The following SLC25A28 variants were observed in gnomAD, a reference collection of about 807,000 sequenced individuals.
SLC25A28 encodes the protein solute carrier family 25 member 28, also known as mitoferrin-2.
Under a neutral mutation model 31.9 loss-of-function variants are expected in SLC25A28, and 10 were observed. That is an observed-to-expected ratio of 0.31 (90% confidence interval 0.19 to 0.53). The LOEUF is 0.53. Ranked by LOEUF, SLC25A28 falls within the 20% of genes least tolerant of loss-of-function variation. SLC25A28 has a pLI of 0.95. For synonymous variants in SLC25A28, 208 were observed against 203.6 expected (o/e 1.02, Z -0.19); for missense variants, 256 against 490.3 (o/e 0.52, Z 4.51).
At chr10:99,612,240 T>C (rs959642264) in intron 3 of SLC25A28, among the ~76,000 whole-genome samples, 4 of 151,946 alleles carry the variant, frequency 2.6e-5, no homozygotes, top group Admixed American at 2.6e-4. Flanking sequence ...TGAAGAAAAA[T>C]GAATCTGCTA....
At chr10:99,622,496 C>A (rs2034815179), upstream of SLC25A28, among the ~76,000 whole-genome samples, 1 of 152,202 alleles carries the variant, frequency 6.6e-6, no homozygotes, top group African/African-American at 2.4e-5. Context: ...ACCTATCCAC[C>A]TCTATGTCCT....
chr10:99,639,970 G>T, the SLC25A28 span, among the ~76,000 whole-genome samples: 2 of 151,184 alleles, frequency 1.3e-5, no homozygotes, highest in Non-Finnish European at 3.0e-5. Context: ...TACAAAAAAA[G>T]AAAAAAACAA....
At chr10:99,655,466 C>T in the SLC25A28 span, among the ~76,000 whole-genome samples, 1 of 152,078 alleles carries the variant, frequency 6.6e-6, no homozygotes, top group Non-Finnish European at 1.5e-5. Flanking sequence ...AATTATACTT[C>T]CACTCAAAAA....
intron 1 of SLC25A28, chr10:99,616,921 G>A: frequency 2.1e-6 from 2 of 972,888 alleles, no homozygotes; most frequent in Non-Finnish European, 1.2e-6. Context: ...ATAGTGCTTG[G>A]CACACAAGAT....
At chr10:99,639,808 A>G in the SLC25A28 span, among the ~76,000 whole-genome samples, 2 of 151,650 alleles carry the variant, frequency 1.3e-5, no homozygotes, top group Non-Finnish European at 2.9e-5. Context: ...CCCATATTTT[A>G]GGAAATGGAA....
At chr10:99,617,832 A>C in intron 1 of SLC25A28, 1 of 966,016 alleles carries the variant, frequency 1.0e-6, no homozygotes, top group Non-Finnish European at 1.2e-6. Context: ...AATTTTTAAA[A>C]AACAAAAATT....
At chr10:99,617,191 C>T in intron 1 of SLC25A28, 1 of 985,352 alleles carries the variant, frequency 1.0e-6, no homozygotes, top group Non-Finnish European at 1.2e-6. Context: ...GCAGAATGTC[C>T]CCATAGATAA....
the SLC25A28 span, among the ~76,000 whole-genome samples, chr10:99,647,016 G>A: frequency 6.6e-6 from 1 of 152,152 alleles, no homozygotes; most frequent in African/African-American, 2.4e-5. Context: ...TCTTATGGCT[G>A]AGTAGTATTC....
chr10:99,641,564 T>G, the SLC25A28 span, among the ~76,000 whole-genome samples: 1 of 152,316 alleles, frequency 6.6e-6, no homozygotes, highest in African/African-American at 2.4e-5. Context: ...AGAAGCTCTT[T>G]AGTTTAATTA....
chr10:99,649,232 T>C, the SLC25A28 span, among the ~76,000 whole-genome samples: 2 of 152,248 alleles, frequency 1.3e-5, no homozygotes, highest in Admixed American at 1.3e-4. Flanking sequence ...TCCTTAATTC[T>C]GTTTATGTGA....
intron 1 of SLC25A28, chr10:99,618,344 C>G: frequency 3.0e-6 from 3 of 985,162 alleles, no homozygotes; most frequent in South Asian, 9.4e-5. Flanking sequence ...ATTTTTCAAG[C>G]CATTACATAA....
chr10:99,638,118 T>C, the SLC25A28 span, among the ~76,000 whole-genome samples: 2 of 152,090 alleles, frequency 1.3e-5, no homozygotes, highest in Admixed American at 6.6e-5. Flanking sequence ...TGGAAAAGAA[T>C]AGAGAACCCA....
chr10:99,632,890 A>G, the SLC25A28 span, among the ~76,000 whole-genome samples: 262 of 152,338 alleles, frequency 1.7e-3, 1 homozygote, highest in Non-Finnish European at 2.5e-3. Context: ...ATAGTAGACC[A>G]AATTCTTAAG....
the SLC25A28 span, among the ~76,000 whole-genome samples, chr10:99,646,424 G>A: frequency 0.84 from 127,787 of 152,166 alleles, 53,900 homozygotes; most frequent in Middle Eastern, 0.92. Context: ...CAGTATTAGG[G>A]TGGGAGTGTC....
chr10:99,653,366 C>G, the SLC25A28 span, among the ~76,000 whole-genome samples: 1 of 152,206 alleles, frequency 6.6e-6, no homozygotes, highest in African/African-American at 2.4e-5. Flanking sequence ...CATCAACTTG[C>G]CAGCCATGCA....
chr10:99,653,968 C>G, the SLC25A28 span: 1 of 152,190 alleles, frequency 6.6e-6, no homozygotes, highest in African/African-American at 2.4e-5. Context: ...TGTAAGCTGA[C>G]TTGGGGGCTT....
intron 1 of SLC25A28, chr10:99,617,177 G>T (rs554165373): frequency 1.0e-6 from 1 of 985,384 alleles, no homozygotes; most frequent in African/African-American, 1.7e-5. Flanking sequence ...GACTGTTTTG[G>T]GTTGCAGAAT....
the SLC25A28 span, among the ~76,000 whole-genome samples, chr10:99,637,777 A>G: frequency 6.6e-6 from 1 of 152,172 alleles, no homozygotes; most frequent in Admixed American, 6.5e-5. Context: ...ACTACAAAAC[A>G]CTGCTGAAAT....
chr10:99,617,367 C>T, intron 1 of SLC25A28: 1 of 985,422 alleles, frequency 1.0e-6, no homozygotes, highest in Non-Finnish European at 1.2e-6. Context: ...TCAACTTGAC[C>T]CTGATAAGTA....
Sources: allele counts gnomAD v4.1 joint callset (sites outside exome capture counted in the v4.1 genomes callset), GRCh38; gene constraint gnomAD v4.1.1; transcripts MANE v1.5; gene names NCBI Gene and HGNC (gene_info 2026-07-23, HGNC 2026-07-21).